SYMPK: variants seen among roughly 807,000 people sequenced by gnomAD.
The protein encoded by SYMPK is symplekin scaffold protein.
SYMPK carries 49 observed loss-of-function variants against 136.4 expected under a neutral mutation model. The ratio of observed to expected loss-of-function variants is 0.36; its 90% CI spans 0.29 to 0.46. The LOEUF (loss-of-function observed/expected upper bound fraction) is 0.46. Ranked by LOEUF, SYMPK falls within the 20% of genes least tolerant of loss-of-function variation. The pLI is 1.00. For synonymous variants in SYMPK, 766 were observed against 713.0 expected, an observed-to-expected ratio of 1.07 and a Z score of -1.19; for missense variants, 1,365 against 1,690.0, an observed-to-expected ratio of 0.81 and a Z score of 3.37.
intron 6 of SYMPK, 130 bp from the exon 7 acceptor site, chr19:45,848,131 T>A: frequency 8.2e-7 from 1 of 1,224,492 alleles, no homozygotes; most frequent in Admixed American, 2.7e-5. Context: ...TAACAGTTAC[T>A]GAGTTCCAAC....
rs538452072 is a variant in SYMPK, at chr19:45,845,026, C to T, written c.677-826G>A. On this transcript the variant is annotated intron_variant, in intron 7 of 26. Transcript: ENST00000245934. ...TCACAAGCATTTATCCGTTTTGTTA[C>T]ACACAATCCAATTATACTATTTCAA... is the stretch of plus-strand genomic sequence containing the variant. Among the ~76,000 whole-genome samples, 5 of 152,268 alleles carry T rather than the reference C, an allele frequency of 3.3e-5. No individual in the cohort carries two copies. In the South Asian group the frequency reaches 8.3e-4, roughly 25 times the overall value.
intron 13 of SYMPK, 152 bp from the exon 14 acceptor site, chr19:45,829,357 G>A: frequency 1.5e-6 from 1 of 650,498 alleles, no homozygotes; most frequent in Non-Finnish European, 2.7e-6. Flanking sequence ...CTTATGCCTA[G>A]GAAGGTCCCG....
rs1303824658 is a variant in SYMPK at position 45,815,889 on chromosome 19, C to T, written c.3649G>A (p.Ala1217Thr). 3.1e-6 allele frequency: 5 copies of T among 1,612,216 alleles called. No individual in the cohort carries two copies. Among genetic ancestry groups the T allele is most frequent in the Non-Finnish European group, 3.4e-6 (4 of 1,179,896 alleles). The change falls in exon 26 of 27, where the codon GCG (alanine) becomes ACG (threonine). Residue 1217 changes from alanine (A) to threonine (T), a missense_variant. Around this residue, in one of 11 missense-constraint regions of SYMPK, gnomAD observed 341 missense variants for 270.5 expected, o/e 1.26. Coordinates refer to ENST00000245934, the MANE Select transcript of SYMPK (RefSeq NM_004819.3). Reference sequence around the variant, plus strand: ...CCCTCGAGACTAGAGTCCAACAGCGCGGCCTCGGTCAGCCCCGAGTCGTCA... The same window carrying T: ...CCCTCGAGACTAGAGTCCAACAGCGTGGCCTCGGTCAGCCCCGAGTCGTCA... ...MDDDSGLTEA[A>T]LLDSSLEGPL...
chr19:45,838,710 G>A, intron 9 of SYMPK, 95 bp from the exon 10 acceptor site: 1 of 1,379,220 alleles, frequency 7.3e-7, no homozygotes, highest in South Asian at 1.4e-5. Context: ...CCTCTAGTCA[G>A]CCTCAGCAAA....
At position 45,821,339 on chromosome 19, in the gene SYMPK, G is replaced by A. The variant is rs1970887955; in HGVS notation, c.2893+45C>T. 6.9e-7 allele frequency: 1 copy of A among 1,448,120 alleles called. No homozygotes were observed. The highest frequency in any genetic ancestry group is 1.7e-5 in the Admixed American group (1 of 59,774). The allele number at this position is 1,448,120 out of a possible 1,614,324, so 89.7% of individuals were successfully genotyped here. On this transcript the variant is annotated intron_variant, in intron 22 of 26. Coordinates refer to ENST00000245934, the MANE Select transcript of SYMPK (RefSeq NM_004819.3). This position sits in a 1 kb window ranked among gnomAD's most constrained non-coding sequence, Gnocchi z 4.4. ...TGTGGGTGACTGAGGTCCTGCCCTG[G>A]CGTCGCAGGGGCCAGGCCACTGGAG...
intron 7 of SYMPK, among the ~76,000 whole-genome samples, chr19:45,845,595 T>C (rs930765647): frequency 6.6e-6 from 1 of 152,204 alleles, no homozygotes; most frequent in Admixed American, 6.6e-5. Context: ...TATCTATTAC[T>C]CTGTTGATGA....
Position 45,815,815 on chromosome 19 carries a change from G to A in SYMPK, c.3687+36C>T, listed in dbSNP as rs200638574. On this transcript the variant is annotated intron_variant, in intron 26 of 26. Transcript: ENST00000245934. The stretch of plus-strand genomic sequence containing the variant: ...CCCACCTTCACCCCGGCCCAGATCC[G>A]GCTTCTTCCTTCGCAGCGGAGGCTG... The A allele has an allele frequency of 1.3e-5, 21 of 1,604,270 alleles. No homozygotes were observed. In the African/African-American group the frequency reaches 2.1e-4, roughly 16 times the overall value.
At chr19:45,830,335 CCT>C (rs1971138778) in intron 12 of SYMPK, 131 bp from the exon 13 acceptor site, 20 of 1,066,876 alleles carry the variant, frequency 1.9e-5, no homozygotes, top group Non-Finnish European at 2.7e-5. Context: ...CTCTCCAGTT[CCT>C]CTGTGTCTCT....
chr19:45,827,359 G>T (rs59195250), intron 16 of SYMPK, 151 bp downstream of exon 16: 3 of 460,372 alleles, frequency 6.5e-6, no homozygotes, highest in Non-Finnish European at 1.2e-5. Context: ...AAATAAAACA[G>T]ACAGAAATAG....
chr19:45,829,537 G>T (rs1198831244), intron 13 of SYMPK, among the ~76,000 whole-genome samples: 9 of 152,088 alleles, frequency 5.9e-5, no homozygotes, highest in Admixed American at 5.9e-4. Context: ...TGCAGGTGAT[G>T]GCCACGGAAG....
chr19:45,815,789 C>T (rs1415721406), intron 26 of SYMPK, 62 bp downstream of exon 26: 35 of 1,590,752 alleles, frequency 2.2e-5, no homozygotes, highest in Non-Finnish European at 2.9e-5. Flanking sequence ...GCCCCTCCTC[C>T]CCCACCTTCA....
chr19:45,815,995 G>A lies in SYMPK; in HGVS notation c.3543C>T (p.Gly1181=), dbSNP rs754127501. 4.6e-5 allele frequency: 74 copies of A among 1,604,036 alleles called. No individual in the cohort carries two copies. Among genetic ancestry groups the A allele is most frequent in the Non-Finnish European group, 6.2e-5 (73 of 1,176,048 alleles). The change falls in exon 26 of 27, where the codon GGC becomes GGT. Residue 1181 remains glycine (G), a synonymous_variant. Coordinates refer to ENST00000245934, the MANE Select transcript of SYMPK (RefSeq NM_004819.3). The part of the protein sequence containing the change: ...SPSPSPSARP[G]PPPSEEAMDF... ...CCATGGCTTCCTCAGACGGGGGCGGGCCTGGCCGGGCCGACGGAGAGGGAG... is the reference window on the plus strand; with the variant it reads ...CCATGGCTTCCTCAGACGGGGGCGGACCTGGCCGGGCCGACGGAGAGGGAG...
intron 3 of SYMPK, among the ~76,000 whole-genome samples, chr19:45,852,947 C>T (rs1971731282): frequency 6.6e-6 from 1 of 152,226 alleles, no homozygotes; most frequent in Non-Finnish European, 1.5e-5. Context: ...CTCCCTACTT[C>T]ACATTGCCAT....
intron 5 of SYMPK, among the ~76,000 whole-genome samples, chr19:45,851,304 C>A (rs1568624981): frequency 3.3e-5 from 5 of 152,122 alleles, no homozygotes; most frequent in Admixed American, 3.3e-4. Flanking sequence ...TGCTGGGCGT[C>A]GTGGCTCATG....
At chr19:45,828,151 G>A (rs1041813739) in intron 14 of SYMPK, 20 of 502,782 alleles carry the variant, frequency 4.0e-5, no homozygotes, top group Middle Eastern at 1.1e-3. Flanking sequence ...TTGTCAAACA[G>A]GGATTCCTAA....
chr19:45,836,908 A>G (rs1971315458), intron 10 of SYMPK, among the ~76,000 whole-genome samples: 2 of 152,182 alleles, frequency 1.3e-5, no homozygotes, highest in African/African-American at 4.8e-5. Flanking sequence ...TTAGAACAGA[A>G]AGATAATGAA....
chr19:45,822,376 A>C (rs144314621), intron 21 of SYMPK, among the ~76,000 whole-genome samples: 136 of 152,016 alleles, frequency 8.9e-4, no homozygotes, highest in African/African-American at 3.1e-3. Context: ...CCTCGCCTCA[A>C]GTTTTGTTTC....
intron 22 of SYMPK, among the ~76,000 whole-genome samples, chr19:45,818,418 C>T (rs1316424608): frequency 1.3e-5 from 2 of 152,198 alleles, no homozygotes; most frequent in Admixed American, 6.5e-5. Flanking sequence ...TGGCCCCTCA[C>T]TTTAAGGACG....
intron 8 of SYMPK, chr19:45,842,906 CCT>C (rs975393045): frequency 3.8e-5 from 7 of 185,444 alleles, no homozygotes; most frequent in East Asian, 1.5e-4. Flanking sequence ...GTGAGCCTCC[CCT>C]GTTCCACAGT....
Sources: gnomAD v4.1 joint callset for allele counts (sites outside exome capture counted in the v4.1 genomes callset) on GRCh38, gnomAD v4.1.1 for gene constraint, gnomAD v4.1.1 regional missense constraint, Gnocchi (gnomAD v3.1) non-coding constraint, MANE v1.5 for transcripts, NCBI Gene and HGNC (gene_info 2026-07-23, HGNC 2026-07-21) for gene names.